Variants in CHSY3 observed in about 807,000 individuals in gnomAD.
CHSY3 encodes the protein N-acetylgalactosaminyl-proteoglycan 3-beta-glucuronosyltransferase 3.
In CHSY3, 35 loss-of-function variants were observed where a neutral mutation model predicts 67.2. That is an observed-to-expected ratio of 0.52 (90% CI 0.40 to 0.69). CHSY3 has a LOEUF of 0.69. Ranked by LOEUF, CHSY3 falls within the 30% of genes least tolerant of loss-of-function variation. The pLI is 0.00. For synonymous variants in CHSY3, 474 were observed against 434.7 expected (o/e 1.09, Z -1.12); for missense variants, 1,069 against 1,138.5 (o/e 0.94, Z 0.88).
chr5:129,965,647 G>T (rs1296376407), intron 2 of CHSY3, among the ~76,000 whole-genome samples: 1 of 151,864 alleles, frequency 6.6e-6, no homozygotes, highest in African/African-American at 2.4e-5. Context: ...TTTCAGAAAG[G>T]AACCTGGAAT....
chr5:130,072,660 A>G (rs569668577), intron 2 of CHSY3, among the ~76,000 whole-genome samples: 6 of 152,236 alleles, frequency 3.9e-5, no homozygotes, highest in Non-Finnish European at 7.4e-5. Context: ...TTGTGGTTCC[A>G]TGCAAACTTT....
intron 2 of CHSY3, among the ~76,000 whole-genome samples, chr5:129,928,011 TTAGAA>T (rs1214397357): frequency 1.3e-5 from 2 of 152,086 alleles, no homozygotes; most frequent in African/African-American, 4.8e-5. Context: ...ATCATAAATT[TTAGAA>T]TAGTAGAAAA....
At chr5:129,990,377 A>AGTGTGT (rs34958818) in intron 2 of CHSY3, among the ~76,000 whole-genome samples, 4,755 of 147,508 alleles carry the variant, frequency 0.032, 172 homozygotes, top group African/African-American at 0.092. Flanking sequence ...TGAGTGAGTG[A>AGTGTGT]GTGTGTGTGT....
At chr5:130,078,249 G>A (rs527389543) in intron 2 of CHSY3, among the ~76,000 whole-genome samples, 37 of 151,956 alleles carry the variant, frequency 2.4e-4, no homozygotes, top group Admixed American at 7.2e-4. Flanking sequence ...ATGCCTCTCC[G>A]CCAGCCTACC....
chr5:129,938,471 T>C (rs1436121983), intron 2 of CHSY3, among the ~76,000 whole-genome samples: 1 of 152,258 alleles, frequency 6.6e-6, no homozygotes, highest in African/African-American at 2.4e-5. Context: ...TTCAAACTTT[T>C]ATGCTTTGCT....
chr5:130,088,773 G>C (rs1430127453), intron 2 of CHSY3, among the ~76,000 whole-genome samples: 1 of 152,118 alleles, frequency 6.6e-6, no homozygotes, highest in Non-Finnish European at 1.5e-5. Flanking sequence ...CATTGTTGGT[G>C]GGACTGTAAA....
At chr5:129,986,810 T>C (rs1182041904) in intron 2 of CHSY3, among the ~76,000 whole-genome samples, 1 of 151,984 alleles carries the variant, frequency 6.6e-6, no homozygotes, top group Non-Finnish European at 1.5e-5. Context: ...ACCCAGCTAA[T>C]TTTTGTATTT....
chr5:130,065,143 A>T (rs868631158), intron 2 of CHSY3, among the ~76,000 whole-genome samples: 3 of 152,262 alleles, frequency 2.0e-5, no homozygotes, highest in South Asian at 2.1e-4. Context: ...ATTTATTTTA[A>T]AGTGTTTTTT....
intron 2 of CHSY3, among the ~76,000 whole-genome samples, chr5:129,913,331 C>A (rs1760630408): frequency 6.6e-6 from 1 of 152,058 alleles, no homozygotes; most frequent in Admixed American, 6.5e-5. Context: ...TGATAATATT[C>A]TGTAGAAAAT....
chr5:129,990,139 A>T (rs894233779), intron 2 of CHSY3, among the ~76,000 whole-genome samples: 8 of 152,148 alleles, frequency 5.3e-5, no homozygotes, highest in African/African-American at 1.7e-4. Flanking sequence ...GTATTAAAAA[A>T]CACTGTATGT....
At chr5:130,144,589 G>A (rs138945934) in intron 2 of CHSY3, among the ~76,000 whole-genome samples, 1 of 152,134 alleles carries the variant, frequency 6.6e-6, no homozygotes, top group East Asian at 1.9e-4. Flanking sequence ...CTAAAGGAAA[G>A]TACAGATTCA....
Position 129,905,153 on chromosome 5 carries a change from G to C in CHSY3, c.324G>C (p.Pro108=), listed in dbSNP as rs763641654. ...FRSSPWQQPP[P]LQQRRRGREP... ...GCAGCCCCTGGCAGCAGCCACCTCCGCTGCAGCAGCGGCGGCGAGGACGCG... is the reference window on the plus strand; with the variant it reads ...GCAGCCCCTGGCAGCAGCCACCTCCCCTGCAGCAGCGGCGGCGAGGACGCG... Residue 108 remains proline, a synonymous_variant, in exon 1 of 3, where the codon CCG becomes CCC. Transcript: ENST00000305031. 1 of 1,528,618 alleles carries C rather than the reference G, an allele frequency of 6.5e-7. No homozygotes were observed. Among genetic ancestry groups the C allele is most frequent in the African/African-American group, 1.4e-5 (1 of 71,596 alleles). The allele number at this position is 1,528,618 out of a possible 1,614,324, so 94.7% of individuals were successfully genotyped here. A position where few individuals can be genotyped will look rare whatever the true frequency, so the allele number is the denominator to read the frequency against.
At chr5:130,171,610 G>T (rs1769895470) in intron 2 of CHSY3, among the ~76,000 whole-genome samples, 1 of 152,072 alleles carries the variant, frequency 6.6e-6, no homozygotes, top group African/African-American at 2.4e-5. Flanking sequence ...ATCTTTCTGA[G>T]AAATCTTTAT....
intron 2 of CHSY3, among the ~76,000 whole-genome samples, chr5:130,155,783 G>A (rs1308969072): frequency 6.6e-6 from 1 of 152,192 alleles, no homozygotes; most frequent in East Asian, 1.9e-4. Flanking sequence ...TTCAGAAGCT[G>A]AAGAAGGCCA....
intron 2 of CHSY3, among the ~76,000 whole-genome samples, chr5:130,024,134 G>A (rs116555062): frequency 0.098 from 6,557 of 66,892 alleles, 258 homozygotes; most frequent in Non-Finnish European, 0.13. Flanking sequence ...TATGATTGAT[G>A]GTCAAAAAAA....
At chr5:130,141,744 T>G (rs769266856) in intron 2 of CHSY3, 31 of 493,182 alleles carry the variant, frequency 6.3e-5, no homozygotes, top group Non-Finnish European at 1.2e-4. Context: ...ATAAGGGTAT[T>G]AAAATTATCA....
At chr5:129,911,675 A>C (rs1032895655) in intron 2 of CHSY3, among the ~76,000 whole-genome samples, 10 of 152,236 alleles carry the variant, frequency 6.6e-5, no homozygotes, top group African/African-American at 2.4e-4. Context: ...TAAAAAATAA[A>C]TTCTCAGAGA....
At chr5:129,990,121 T>G (rs1241263704) in intron 2 of CHSY3, among the ~76,000 whole-genome samples, 1 of 152,172 alleles carries the variant, frequency 6.6e-6, no homozygotes, top group African/African-American at 2.4e-5. Context: ...TATACAGAAT[T>G]CTTCAATGTA....
intron 2 of CHSY3, among the ~76,000 whole-genome samples, chr5:130,107,375 A>G (rs1767442579): frequency 6.6e-6 from 1 of 151,360 alleles, no homozygotes; most frequent in Non-Finnish European, 1.5e-5. Flanking sequence ...AGTAGTATAT[A>G]TTTAACAACG....
Sources: allele counts gnomAD v4.1 joint callset (sites outside exome capture counted in the v4.1 genomes callset), GRCh38; gene constraint gnomAD v4.1.1; transcripts MANE v1.5; gene names NCBI Gene and HGNC (gene_info 2026-07-23, HGNC 2026-07-21).